PCDHGA6: variants seen among roughly 807,000 people sequenced by gnomAD.
PCDHGA6 encodes protocadherin gamma subfamily A, 6, also known as protocadherin gamma-A6.
Under a neutral mutation model 60.6 loss-of-function variants are expected in PCDHGA6, and 41 were observed. The observed-to-expected ratio is 0.68, with a 90% CI of 0.53 to 0.88. PCDHGA6 has a LOEUF of 0.88. Ranked by LOEUF, PCDHGA6 falls within the 40% of genes least tolerant of loss-of-function variation. PCDHGA6 has a pLI of 0.00. For missense variants in PCDHGA6, 1,312 were observed against 1,203.0 expected (o/e 1.09, Z -1.34); for synonymous variants, 594 against 524.4 (o/e 1.13, Z -1.81).
chr5:141,383,730 G>T (rs781549329), intron 1 of PCDHGA6: 2 of 1,613,866 alleles, frequency 1.2e-6, no homozygotes, highest in Admixed American at 3.3e-5. Context: ...ATGGGGAAGT[G>T]ACATATTCTT....
intron 1 of PCDHGA6, chr5:141,418,840 C>T: frequency 6.2e-7 from 1 of 1,614,006 alleles, no homozygotes; most frequent in Middle Eastern, 1.6e-4. Context: ...GAGGATCTCT[C>T]TCAACACGGT....
intron 1 of PCDHGA6, chr5:141,429,167 T>TATAC (rs1240034860): frequency 3.1e-4 from 42 of 136,210 alleles, no homozygotes; most frequent in African/African-American, 7.0e-4. Flanking sequence ...AGACATTGTT[T>TATAC]ATACACACAC....
At chr5:141,492,974 C>G (rs1479838959) in intron 1 of PCDHGA6, among the ~76,000 whole-genome samples, 1 of 152,244 alleles carries the variant, frequency 6.6e-6, no homozygotes, top group Non-Finnish European at 1.5e-5. Flanking sequence ...CTAACAAGTC[C>G]TGTCTCCTCT....
chr5:141,494,927 G>A, intron 2 of PCDHGA6, 62 bp downstream of exon 2: 1 of 1,613,516 alleles, frequency 6.2e-7, no homozygotes, highest in Non-Finnish European at 8.5e-7. Flanking sequence ...GATGACGTGG[G>A]AGGAGATGGG....
rs1429603639 is a variant in PCDHGA6 at position 141,415,751 on chromosome 5, T to TTG, written c.2424+39245_2424+39246insGT. 7.1e-5 allele frequency: 95 copies of TTG among 1,328,716 alleles called. No homozygotes were observed. The African/African-American group carries it at 1.1e-3, about 15-fold the overall frequency. 82.3% of individuals were successfully genotyped at this position (1,328,716 alleles called of 1,614,324 possible). Reference sequence around the variant, plus strand: ...TGATGTTTATTAAGGTTTTTTTTTTTTTTTTTTTTTTTTTTTTTTTTACTT... The same window carrying TTG: ...TGATGTTTATTAAGGTTTTTTTTTTTTGTTTTTTTTTTTTTTTTTTTTTACTT... On this transcript the variant is annotated intron_variant, in intron 1 of 3. Coordinates refer to ENST00000517434, the MANE Select transcript of PCDHGA6 (RefSeq NM_018919.3).
At position 141,432,627 on chromosome 5, in the gene PCDHGA6, C is replaced by A. The variant is rs886117102; in HGVS notation, c.2424+56120C>A. 1 of 1,613,652 alleles carries A rather than the reference C, an allele frequency of 6.2e-7. No homozygotes were observed. The highest frequency in any genetic ancestry group is 8.5e-7 in the Non-Finnish European group (1 of 1,179,952). On this transcript the variant is annotated intron_variant, in intron 1 of 3. Transcript: ENST00000517434. This position sits in a 1 kb window ranked among gnomAD's most constrained non-coding sequence, Gnocchi z 6.0. ...GGACTCTTCTCGGTGGGTCTGCACA[C>A]GGGCGAGGTGCGCACGGCGCGAGCC...
intron 1 of PCDHGA6, chr5:141,382,846 G>T: frequency 1.4e-6 from 2 of 1,475,644 alleles, no homozygotes; most frequent in Non-Finnish European, 9.1e-7. Context: ...GGATACACCC[G>T]CATTCTGAAG....
chr5:141,403,909 A>G (rs2094466419), intron 1 of PCDHGA6: 1 of 1,613,946 alleles, frequency 6.2e-7, no homozygotes, highest in East Asian at 2.2e-5. Context: ...AAATGGAAAT[A>G]CAAGCTGAAG....
At position 141,476,591 on chromosome 5, in the gene PCDHGA6, G is replaced by C. The variant is rs200254399; in HGVS notation, c.2425-18216G>C. The C allele has an allele frequency of 6.2e-7, 1 of 1,614,230 alleles. No homozygotes were observed. Among genetic ancestry groups the C allele is most frequent in the East Asian group, 2.2e-5 (1 of 44,870 alleles). On this transcript the variant is annotated intron_variant, in intron 1 of 3. Coordinates refer to ENST00000517434, the MANE Select transcript of PCDHGA6 (RefSeq NM_018919.3). This position sits in a 1 kb window ranked among gnomAD's most constrained non-coding sequence, Gnocchi z 7.6. ...GGGGACGCGCTTTCCGCTCGAGAGCGCGCACGATCCCGATGTGGGAAGCAA... is the reference window on the plus strand; with the variant it reads ...GGGGACGCGCTTTCCGCTCGAGAGCCCGCACGATCCCGATGTGGGAAGCAA...
intron 1 of PCDHGA6, among the ~76,000 whole-genome samples, chr5:141,470,459 AT>A: frequency 6.6e-6 from 1 of 152,096 alleles, no homozygotes; most frequent in East Asian, 1.9e-4. Flanking sequence ...CTTGAATAGG[AT>A]TTTCTGATAT....
intron 1 of PCDHGA6, chr5:141,379,352 A>G (rs1189647778): frequency 1.3e-5 from 2 of 152,198 alleles, no homozygotes; most frequent in Non-Finnish European, 2.9e-5. Flanking sequence ...ATTTTCTTGT[A>G]TCTTTGTGAT....
rs558972594 is a variant in PCDHGA6 at position 141,485,292 on chromosome 5, A to G, written c.2425-9515A>G. ...CGCTACCCGGTCCCAGAGGAGTCAC[A>G]GGAAGGGACTTTTGTAGGGAATGTC... On this transcript the variant is annotated intron_variant, in intron 1 of 3. Coordinates refer to ENST00000517434, the MANE Select transcript of PCDHGA6 (RefSeq NM_018919.3). The surrounding 1 kb of genome is among the most constrained non-coding windows in gnomAD (Gnocchi z 5.7). 1 of 1,614,120 alleles carries G rather than the reference A, an allele frequency of 6.2e-7. No individual in the cohort carries two copies. Among genetic ancestry groups the G allele is most frequent in the African/African-American group, 1.3e-5 (1 of 75,058 alleles).
intron 1 of PCDHGA6, among the ~76,000 whole-genome samples, chr5:141,459,575 G>T (rs2098970751): frequency 1.3e-5 from 2 of 152,132 alleles, no homozygotes; most frequent in Admixed American, 6.5e-5. Context: ...AAACAGAATT[G>T]TTTTGGGGGT....
In PCDHGA6 at chr5:141,415,239, T is replaced by G. The variant is rs781763142; in HGVS notation, c.2424+38732T>G. The G allele has an allele frequency of 8.1e-6, 13 of 1,614,068 alleles. No individual in the cohort carries two copies. The South Asian group carries it at 1.3e-4, about 16-fold the overall frequency. The stretch of plus-strand genomic sequence containing the variant: ...GCAGCTTCGAGTCTCCAGCTAACTC[T>G]GAAACCTCAGACCTCACTCTGTACC... On this transcript the variant is annotated intron_variant, in intron 1 of 3. Coordinates refer to ENST00000517434, the MANE Select transcript of PCDHGA6 (RefSeq NM_018919.3).
rs528069305 is a variant in PCDHGA6, at chr5:141,457,143, T to A, written c.2425-37664T>A. Among the ~76,000 whole-genome samples the A allele has an allele frequency of 5.3e-5, 8 of 152,334 alleles. No homozygotes were observed. In the South Asian group the frequency reaches 1.5e-3, roughly 28 times the overall value. On this transcript the variant is annotated intron_variant, in intron 1 of 3. Transcript: ENST00000517434. ...ATGGAAACTCTGTCCAATATTTCAG[T>A]TAGAAGGTGCTACCATGGATAACCC...
rs779640846 is a variant in PCDHGA6, at chr5:141,375,760, G to A, written c.1677G>A (p.Ala559=). 3 of 1,614,236 alleles carry A rather than the reference G, an allele frequency of 1.9e-6. No individual in the cohort carries two copies. Among genetic ancestry groups the A allele is most frequent in the African/African-American group, 2.7e-5 (2 of 75,066 alleles). ...SLFVLDQNDN[A]PEILYPALPT... The stretch of plus-strand genomic sequence containing the variant: ...TTGTGCTGGACCAGAATGACAATGC[G>A]CCCGAGATCCTGTACCCCGCCCTCC... The change falls in exon 1 of 4, where the codon GCG becomes GCA. Residue 559 remains alanine (A), a synonymous_variant. Coordinates refer to ENST00000517434, the MANE Select transcript of PCDHGA6 (RefSeq NM_018919.3).
At chr5:141,415,740 GTTTTTTTTTTTTT>G (rs57426385) in intron 1 of PCDHGA6, 160 of 625,000 alleles carry the variant, frequency 2.6e-4, no homozygotes, top group Middle Eastern at 1.1e-3. Context: ...GTTTATTAAG[GTTTTTTTTTTTTT>G]TTTTTTTTTT....
At chr5:141,415,182 C>A (rs2095840318) in intron 1 of PCDHGA6, 1 of 1,613,842 alleles carries the variant, frequency 6.2e-7, no homozygotes, top group Admixed American at 1.7e-5. Flanking sequence ...TGGCCGTGGC[C>A]GACAGCATCC....
In PCDHGA6 at chr5:141,491,921, A is replaced by T; in HGVS notation, c.2425-2886A>T. ...CCGGGGGTGGTGGCGACTGTGGGCG[A>T]GGGGAGGTGGGACCGACCCCCACCC... On this transcript the variant is annotated intron_variant, in intron 1 of 3. Coordinates refer to ENST00000517434, the MANE Select transcript of PCDHGA6 (RefSeq NM_018919.3). The surrounding 1 kb of genome is among the most constrained non-coding windows in gnomAD (Gnocchi z 6.9). The T allele has an allele frequency of 1.5e-6, 2 of 1,353,738 alleles. No homozygotes were observed. Among genetic ancestry groups the T allele is most frequent in the Non-Finnish European group, 2.0e-6 (2 of 1,013,388 alleles). 83.9% of individuals were successfully genotyped at this position (1,353,738 alleles called of 1,614,324 possible). A position where few individuals can be genotyped will look rare whatever the true frequency, so the allele number is the denominator to read the frequency against.
Sources: gnomAD v4.1 joint callset for allele counts (sites outside exome capture counted in the v4.1 genomes callset) on GRCh38, gnomAD v4.1.1 for gene constraint, Gnocchi (gnomAD v3.1) non-coding constraint, MANE v1.5 for transcripts, NCBI Gene and HGNC (gene_info 2026-07-23, HGNC 2026-07-21) for gene names.